The following SON variants were observed in gnomAD, a reference collection of about 807,000 sequenced individuals.
The protein encoded by SON is protein SON.
Under a neutral mutation model 173.3 loss-of-function variants are expected in SON, and 4 were observed. The observed-to-expected ratio is 0.02, with a 90% confidence interval of 0.01 to 0.05. SON has a LOEUF of 0.05. Ranked by LOEUF, SON falls within the 10% of genes least tolerant of loss-of-function variation. The probability of loss-of-function intolerance (pLI) is 1.00; values close to 1 mark genes in which losing one functional copy is unlikely to be tolerated. For missense variants in SON, 2,626 were observed against 3,055.3 expected, an observed-to-expected ratio of 0.86 and a Z score of 3.31; for synonymous variants, 1,190 against 1,105.9, an observed-to-expected ratio of 1.08 and a Z score of -1.51.
At chr21:33,555,630 GT>G (rs908334872) in intron 3 of SON, among the ~76,000 whole-genome samples, 3 of 152,154 alleles carry the variant, frequency 2.0e-5, no homozygotes, top group African/African-American at 7.2e-5. Flanking sequence ...ATATTTGAAT[GT>G]TTTATTTTGT....
At chr21:33,563,827 C>G (rs1369497425) in intron 6 of SON, among the ~76,000 whole-genome samples, 1 of 152,072 alleles carries the variant, frequency 6.6e-6, no homozygotes, top group Non-Finnish European at 1.5e-5. Flanking sequence ...GCCTCAGACA[C>G]CTTTGTAGGT....
Position 33,550,341 on chromosome 21 carries a change from G to A in SON, c.1110G>A (p.Leu370=). The change falls in exon 3 of 12, where the codon TTG becomes TTA. Residue 370 remains leucine (L), a synonymous_variant. Transcript: ENST00000356577. ...CGGAGCTGCCTAAGACCACAGCGTT[G>A]GAGCTGCAGGAGTCGTCGGTGGCCT... ...ELPELPKTTA[L]ELQESSVASA... is the part of the protein sequence containing the mutation. 6.2e-7 allele frequency: 1 copy of A among 1,614,104 alleles called. No homozygotes were observed. The highest frequency in any genetic ancestry group is 8.5e-7 in the Non-Finnish European group (1 of 1,180,024).
chr21:33,555,739 G>A (rs1045756378), intron 3 of SON, among the ~76,000 whole-genome samples: 2 of 152,204 alleles, frequency 1.3e-5, no homozygotes, highest in African/African-American at 4.8e-5. Context: ...GATTGTTATT[G>A]TATGTGTTCT....
At chr21:33,543,282 GC>G (rs1234301058) in intron 1 of SON, 113 bp downstream of exon 1, 3 of 989,104 alleles carry the variant, frequency 3.0e-6, no homozygotes, top group Non-Finnish European at 4.8e-6. Context: ...CCCCGCTAGG[GC>G]CCCGCCTGGG....
In SON at chr21:33,551,534, C is replaced by G. The variant is rs1455540836; in HGVS notation, c.2303C>G (p.Thr768Ser). 1 of 1,614,000 alleles carries G rather than the reference C, an allele frequency of 6.2e-7. No individual in the cohort carries two copies. ...SSTMDSQMLA[T>S]SSMDSQMLAT... Reference sequence around the variant, plus strand: ...ACCATGGACTCCCAGATGTTAGCAACTAGCTCCATGGACTCCCAGATGTTA... The same window carrying G: ...ACCATGGACTCCCAGATGTTAGCAAGTAGCTCCATGGACTCCCAGATGTTA... Residue 768 changes from threonine to serine, a missense_variant, in exon 3 of 12, where the codon ACT becomes AGT. This residue lies in a region of SON where 182 missense variants were observed against 193.6 expected (regional missense o/e 0.94). Coordinates refer to ENST00000356577, the MANE Select transcript of SON (RefSeq NM_138927.4).
intron 4 of SON, chr21:33,558,959 CTTTTTTTTTTTTTT>C (rs71194851): frequency 5.0e-5 from 6 of 118,822 alleles, no homozygotes; most frequent in Non-Finnish European, 9.9e-5. Flanking sequence ...ATGTCTTCTA[CTTTTTTTTTTTTTT>C]TTTTTTTTTG....
Position 33,553,851 on chromosome 21 carries a change from A to G in SON, c.4620A>G (p.Leu1540=). The G allele has an allele frequency of 1.2e-6, 2 of 1,613,848 alleles. No homozygotes were observed. Among genetic ancestry groups the G allele is most frequent in the East Asian group, 4.5e-5 (2 of 44,888 alleles). ...TAGACCTTAATATAAATAATCATTT[A>G]ATTGCTAAAGAGATGGAACATAATA... The part of the protein sequence containing the change: ...INIDLNINNH[L]IAKEMEHNTV... Residue 1540 remains leucine, a synonymous_variant, in exon 3 of 12, where the codon TTA becomes TTG. Transcript: ENST00000356577.
intron 4 of SON, chr21:33,558,829 C>T (rs1410842910): frequency 1.3e-5 from 2 of 153,328 alleles, no homozygotes; most frequent in East Asian, 1.9e-4. Context: ...CTTATGTACT[C>T]AGTTTGTATT....
In SON at chr21:33,551,068, G is replaced by A; in HGVS notation, c.1837G>A (p.Gly613Arg). 6.2e-7 allele frequency: 1 copy of A among 1,612,690 alleles called. No homozygotes were observed. The highest frequency in any genetic ancestry group is 8.5e-7 in the Non-Finnish European group (1 of 1,179,366). ...GGCACTGGAGTTCTCGGGGCAGTCTGGGGCAGCTGGAGCACTGGAGCTTTT... is the reference window on the plus strand; with the variant it reads ...GGCACTGGAGTTCTCGGGGCAGTCTAGGGCAGCTGGAGCACTGGAGCTTTT... ...AGALEFSGQS[G>R]AAGALELLGQ... Residue 613 changes from glycine (G) to arginine (R), a missense_variant, in exon 3 of 12, where the codon GGG becomes AGG. Coordinates refer to ENST00000356577, the MANE Select transcript of SON (RefSeq NM_138927.4).
chr21:33,544,322 T>C (rs553319387), intron 1 of SON, among the ~76,000 whole-genome samples: 1 of 152,312 alleles, frequency 6.6e-6, no homozygotes, highest in East Asian at 1.9e-4. Context: ...ATATTGCTAG[T>C]AGTGTTTTGG....
intron 6 of SON, chr21:33,560,892 C>T (rs1368021049): frequency 1.3e-5 from 2 of 152,206 alleles, no homozygotes; most frequent in Admixed American, 6.5e-5. Context: ...ACTGTAGGTT[C>T]CCTTCCTTGG....
chr21:33,565,352 A>G (rs566000521), intron 6 of SON, among the ~76,000 whole-genome samples: 1 of 152,206 alleles, frequency 6.6e-6, no homozygotes, highest in Non-Finnish European at 1.5e-5. Context: ...ATTTATGCCT[A>G]AGCACCCTAA....
At chr21:33,570,924 A>G (rs573419691) in intron 8 of SON, among the ~76,000 whole-genome samples, 1 of 152,356 alleles carries the variant, frequency 6.6e-6, no homozygotes, top group South Asian at 2.1e-4. Flanking sequence ...AATAACTTTT[A>G]AAAAGTGAAT....
rs139370598 is a variant in SON at position 33,554,187 on chromosome 21, A to G, written c.4956A>G (p.Glu1652=). The G allele has an allele frequency of 4.3e-6, 7 of 1,614,098 alleles. No homozygotes were observed. The African/African-American group carries it at 8.0e-5, about 18-fold the overall frequency. Residue 1652 remains glutamate (E), a synonymous_variant, in exon 3 of 12, where the codon GAA becomes GAG. Coordinates refer to ENST00000356577, the MANE Select transcript of SON (RefSeq NM_138927.4). ...CCACCAGTCCTAGTGGTGGTAGTGA[A>G]GCTGACATTGAAGGGCCTTTGCCTG... ...VISTSPSGGS[E]ADIEGPLPAK...
Position 33,553,517 on chromosome 21 carries a change from C to T in SON, c.4286C>T (p.Pro1429Leu). 2 of 1,614,186 alleles carry T rather than the reference C, an allele frequency of 1.2e-6. No homozygotes were observed. Among genetic ancestry groups the T allele is most frequent in the South Asian group, 1.1e-5 (1 of 91,082 alleles). Residue 1429 changes from proline to leucine, a missense_variant, in exon 3 of 12, where the codon CCT becomes CTT. This residue lies in a region of SON where 1,006 missense variants were observed against 895.6 expected (regional missense o/e 1.12). Transcript: ENST00000356577. ...VLEPAVSVLQ[P>L]SMIVSEPSVS... ...GAACCAGCGGTGTCAGTCCTTCAAC[C>T]TTCTATGATTGTTTCAGAACCATCT... is the stretch of plus-strand genomic sequence containing the variant.
Position 33,557,276 on chromosome 21 carries a change from C to T in SON, c.6281C>T (p.Ala2094Val). Residue 2094 changes from alanine to valine, a missense_variant, in exon 4 of 12, where the codon GCT becomes GTT. By Grantham distance (64) the Ala-to-Val change is moderately conservative. Around this residue, in one of 13 missense-constraint regions of SON, gnomAD observed 19 missense variants for 16.8 expected, o/e 1.13. Coordinates refer to ENST00000356577, the MANE Select transcript of SON (RefSeq NM_138927.4). ...CCACCTACTATAGAAGAGAAAGTTGCTAAAAAGTCAGGAGGAGCTACTATA... is the reference window on the plus strand; with the variant it reads ...CCACCTACTATAGAAGAGAAAGTTGTTAAAAAGTCAGGAGGAGCTACTATA... ...APPPTIEEKVAKKSGGATIEE... is the reference protein window; with the variant it reads ...APPPTIEEKVVKKSGGATIEE... 6.2e-7 allele frequency: 1 copy of T among 1,613,614 alleles called. No individual in the cohort carries two copies. The highest frequency in any genetic ancestry group is 8.5e-7 in the Non-Finnish European group (1 of 1,179,934).
Position 33,550,083 on chromosome 21 carries a change from A to C in SON, c.852A>C (p.Pro284=), listed in dbSNP as rs777409466. 1 of 1,614,176 alleles carries C rather than the reference A, an allele frequency of 6.2e-7. No homozygotes were observed. Among genetic ancestry groups the C allele is most frequent in the Non-Finnish European group, 8.5e-7 (1 of 1,180,042 alleles). The change falls in exon 3 of 12, where the codon CCA becomes CCC. Residue 284 remains proline (P), a synonymous_variant. Coordinates refer to ENST00000356577, the MANE Select transcript of SON (RefSeq NM_138927.4). ...TGAAATCTGTGGAGAGCACATCTCC[A>C]GAGCCATCAAAGATCATGTTGGTAG... ...SVLKSVESTS[P]EPSKIMLVEP... is the part of the protein sequence containing the mutation.
chr21:33,561,130 G>A (rs2086063039), intron 6 of SON, among the ~76,000 whole-genome samples: 1 of 152,158 alleles, frequency 6.6e-6, no homozygotes, highest in Non-Finnish European at 1.5e-5. Context: ...ACTAGCCAGT[G>A]CAACTTACAG....
chr21:33,553,330 G>T lies in SON; in HGVS notation c.4099G>T (p.Val1367Phe). The change falls in exon 3 of 12, where the codon GTC becomes TTC. Residue 1367 changes from valine (V) to phenylalanine (F), a missense_variant. Transcript: ENST00000356577. ...MAVLESSAVT[V>F]LESSTVTVLE... ...TGTCCTGGAGTCTTCGGCTGTGACC[G>T]TCCTGGAGTCTTCGACTGTGACTGT... is the stretch of plus-strand genomic sequence containing the variant. The T allele has an allele frequency of 6.3e-7, 1 of 1,585,660 alleles. No individual in the cohort carries two copies. Among genetic ancestry groups the T allele is most frequent in the Non-Finnish European group, 8.6e-7 (1 of 1,157,190 alleles).
Sources: gnomAD v4.1 joint callset for allele counts (sites outside exome capture counted in the v4.1 genomes callset) on GRCh38, gnomAD v4.1.1 for gene constraint, gnomAD v4.1.1 regional missense constraint, MANE v1.5 for transcripts, NCBI Gene and HGNC (gene_info 2026-07-23, HGNC 2026-07-21) for gene names.